Variants in XPNPEP1 observed in about 807,000 individuals in gnomAD.
XPNPEP1 encodes the protein xaa-Pro aminopeptidase 1.
In XPNPEP1, 39 loss-of-function variants were observed where a neutral mutation model predicts 92.4. The ratio of observed to expected loss-of-function variants is 0.42; its 90% CI spans 0.33 to 0.55. The LOEUF (loss-of-function observed/expected upper bound fraction) is 0.55. XPNPEP1 is among the 20% of genes least tolerant of loss of function. The probability of loss-of-function intolerance (pLI) is 0.08; values close to 1 mark genes in which losing one functional copy is unlikely to be tolerated. For missense variants in XPNPEP1, 654 were observed against 856.1 expected (o/e 0.76, Z 2.95); for synonymous variants, 307 against 299.4 (o/e 1.03, Z -0.26).
chr10:109,907,526 T>C (rs1241380078), intron 3 of XPNPEP1, among the ~76,000 whole-genome samples, 165 bp downstream of exon 3: 1 of 152,170 alleles, frequency 6.6e-6, no homozygotes. Context: ...CTAGGGCCAA[T>C]CCACAAGCAT....
intron 3 of XPNPEP1, among the ~76,000 whole-genome samples, chr10:109,905,325 T>C (rs1472346269): frequency 6.6e-6 from 1 of 152,138 alleles, no homozygotes; most frequent in Non-Finnish European, 1.5e-5. Context: ...ATTCTCCTGC[T>C]TCAGCCTCCT....
intron 3 of XPNPEP1, among the ~76,000 whole-genome samples, chr10:109,903,598 A>T (rs1312120884): frequency 6.6e-6 from 1 of 152,210 alleles, no homozygotes; most frequent in East Asian, 1.9e-4. Flanking sequence ...TGAAGCCCAC[A>T]TCCAAAGGCT....
rs74625610 is a variant in XPNPEP1 at position 109,896,164 on chromosome 10, G to C, written c.247-3089C>G. 9.7e-3 allele frequency among the ~76,000 whole-genome samples: 1,483 copies of C among 152,126 alleles called. 29 individuals are homozygous for C. Among genetic ancestry groups the C allele is most frequent in the African/African-American group, 0.034 (1,394 of 41,500 alleles). ...CTAGGTCCTTCTCATCATTACATTT[G>C]AGATCAAATATCACCTCTACAGAGA... is the stretch of plus-strand genomic sequence containing the variant. On this transcript the variant is annotated intron_variant, in intron 3 of 20. Transcript: ENST00000502935.
chr10:109,909,002 G>A (rs547384761), intron 2 of XPNPEP1, among the ~76,000 whole-genome samples: 100 of 152,168 alleles, frequency 6.6e-4, no homozygotes, highest in African/African-American at 2.3e-3. Context: ...CGGGTGCGGT[G>A]GCTCACACCT....
chr10:109,882,396 G>T (rs1473270933), intron 10 of XPNPEP1, 36 bp downstream of exon 10: 1 of 1,595,264 alleles, frequency 6.3e-7, no homozygotes, highest in Admixed American at 1.7e-5. Context: ...GGAAGGGGGT[G>T]GCAGAGTTTA....
chr10:109,922,666 G>A (rs1850607075), intron 1 of XPNPEP1, among the ~76,000 whole-genome samples: 1 of 152,228 alleles, frequency 6.6e-6, no homozygotes, highest in Non-Finnish European at 1.5e-5. Flanking sequence ...AGGGAGTCTG[G>A]CCTGTGGCCT....
intron 1 of XPNPEP1, chr10:109,923,117 C>A (rs1850644964): frequency 1.0e-6 from 1 of 969,000 alleles, no homozygotes. Flanking sequence ...CGGCCGCCGC[C>A]CCCTCAGGCC....
At chr10:109,912,719 G>A (rs189781481) in intron 2 of XPNPEP1, among the ~76,000 whole-genome samples, 50 of 152,320 alleles carry the variant, frequency 3.3e-4, no homozygotes, top group African/African-American at 1.1e-3. Context: ...AATGTTTAAT[G>A]TTATTAGAGT....
chr10:109,923,262 C>G (rs1300101287), intron 1 of XPNPEP1, 140 bp downstream of exon 1: 6 of 1,188,684 alleles, frequency 5.0e-6, no homozygotes, highest in Non-Finnish European at 5.2e-6. Flanking sequence ...TCCGGGGCTC[C>G]GGCGAGCGCG....
At position 109,870,967 on chromosome 10, in the gene XPNPEP1, T is replaced by C. The variant is rs951430820; in HGVS notation, c.1523-63A>G. On this transcript the variant is annotated intron_variant, in intron 17 of 20. Coordinates refer to ENST00000502935, the MANE Select transcript of XPNPEP1 (RefSeq NM_020383.4). ...AGCGCTTTAGAGATTAAATTTATTATGTGTGGCTCCAGAACGTGAAACAGA... is the reference window on the plus strand; with the variant it reads ...AGCGCTTTAGAGATTAAATTTATTACGTGTGGCTCCAGAACGTGAAACAGA... 5.8e-6 allele frequency: 9 copies of C among 1,551,028 alleles called. No homozygotes were observed. In the African/African-American group the frequency reaches 9.6e-5, roughly 17 times the overall value.
At position 109,909,329 on chromosome 10, in the gene XPNPEP1, A is replaced by C. The variant is rs182743390; in HGVS notation, c.122-1514T>G. Among the ~76,000 whole-genome samples the C allele has an allele frequency of 8.2e-3, 1,253 of 152,304 alleles. 9 individuals are homozygous for C. Among genetic ancestry groups the C allele is most frequent in the Non-Finnish European group, 0.015 (987 of 68,020 alleles). On this transcript the variant is annotated intron_variant, in intron 2 of 20. Coordinates refer to ENST00000502935, the MANE Select transcript of XPNPEP1 (RefSeq NM_020383.4). Reference sequence around the variant, plus strand: ...GATGAGACCCAAGGTTTTCAAACGAAGTCCCAAGGCTCCAGGGGAGTCTAC... The same window carrying C: ...GATGAGACCCAAGGTTTTCAAACGACGTCCCAAGGCTCCAGGGGAGTCTAC...
Position 109,877,651 on chromosome 10 carries a change from T to C in XPNPEP1, c.1319+139A>G. ...GGGAGAAAATAAAATCTTAGAAGTC[T>C]TATTTCCCTTCATTTTACAGTCTCA... On this transcript the variant is annotated intron_variant, in intron 14 of 20. Transcript: ENST00000502935. The C allele has an allele frequency of 7.3e-6, 8 of 1,094,420 alleles. No homozygotes were observed. The South Asian group carries it at 1.1e-4, about 15-fold the overall frequency. The allele number at this position is 1,094,420 out of a possible 1,614,324, so 67.8% of individuals were successfully genotyped here. A position where few individuals can be genotyped will look rare whatever the true frequency, so the allele number is the denominator to read the frequency against.
intron 12 of XPNPEP1, 80 bp downstream of exon 12, chr10:109,880,108 G>A (rs1306357286): frequency 2.2e-6 from 3 of 1,379,744 alleles, no homozygotes; most frequent in Non-Finnish European, 3.1e-6. Context: ...GCAGAGCATG[G>A]GAGATGCTAG....
Position 109,888,083 on chromosome 10 carries a change from G to T in XPNPEP1, c.618C>A (p.Cys206Ter). Residue 206 changes from cysteine to a stop codon, truncating the protein, a stop_gained, in exon 7 of 21, where the codon TGC becomes TGA. Transcript: ENST00000502935. LOFTEE classifies it high-confidence loss of function. ...KIWTDRPERPCKPLLTLGLDY... is the reference protein window; with the variant it reads ...KIWTDRPERP ...CCAGGCCCAGTGTGAGGAGAGGCTT[G>T]CAAGGGCGCTCAGGACGGTCTGTCC... is the stretch of plus-strand genomic sequence containing the variant. 6.2e-7 allele frequency: 1 copy of T among 1,614,130 alleles called. No homozygotes were observed. The highest frequency in any genetic ancestry group is 8.5e-7 in the Non-Finnish European group (1 of 1,180,032).
At position 109,873,782 on chromosome 10, in the gene XPNPEP1, T is replaced by A. The variant is rs574678883; in HGVS notation, c.1392-355A>T. On this transcript the variant is annotated intron_variant, in intron 15 of 20. Coordinates refer to ENST00000502935, the MANE Select transcript of XPNPEP1 (RefSeq NM_020383.4). ...ACAAAATGGGGGATTATCCACACAG[T>A]GCAATACCATTCAGTAATTAAAAAG... Among the ~76,000 whole-genome samples the A allele has an allele frequency of 2.6e-5, 4 of 152,296 alleles. No individual in the cohort carries two copies. In the East Asian group the frequency reaches 7.7e-4, roughly 29 times the overall value.
At chr10:109,903,150 A>G (rs1849375404) in intron 3 of XPNPEP1, among the ~76,000 whole-genome samples, 1 of 152,236 alleles carries the variant, frequency 6.6e-6, no homozygotes, top group Non-Finnish European at 1.5e-5. Context: ...CACAGATAAT[A>G]TCCTAACTCC....
At chr10:109,868,981 G>T (rs1330848690) in intron 19 of XPNPEP1, among the ~76,000 whole-genome samples, 1 of 152,230 alleles carries the variant, frequency 6.6e-6, no homozygotes, top group Non-Finnish European at 1.5e-5. Flanking sequence ...CAAGGCTAAT[G>T]TCTACTGTGA....
At chr10:109,922,035 G>C (rs1356146431) in intron 1 of XPNPEP1, among the ~76,000 whole-genome samples, 1 of 152,224 alleles carries the variant, frequency 6.6e-6, no homozygotes, top group African/African-American at 2.4e-5. Flanking sequence ...TGAAGCCAAT[G>C]TTGGTGGTGC....
chr10:109,887,158 T>A (rs1848438035), intron 7 of XPNPEP1, among the ~76,000 whole-genome samples: 1 of 152,192 alleles, frequency 6.6e-6, no homozygotes, highest in Non-Finnish European at 1.5e-5. Flanking sequence ...AACAGCAACA[T>A]TTGCTCTCCC....
Sources: allele counts gnomAD v4.1 joint callset (sites outside exome capture counted in the v4.1 genomes callset), GRCh38; gene constraint gnomAD v4.1.1; transcripts MANE v1.5; gene names NCBI Gene and HGNC (gene_info 2026-07-23, HGNC 2026-07-21).